The following ABCB5 variants were observed in gnomAD, a reference collection of about 807,000 sequenced individuals.
ABCB5 encodes the protein ATP binding cassette subfamily B member 5.
A neutral mutation model predicts 144.2 loss-of-function variants in ABCB5; 155 were observed. That is an observed-to-expected ratio of 1.08 (90% confidence interval 0.94 to 1.23). ABCB5 has a LOEUF of 1.23. Ranked by LOEUF, ABCB5 falls within the 50% of genes most tolerant of loss-of-function variation. The pLI is 0.00. For missense variants in ABCB5, 1,830 were observed against 1,520.8 expected (o/e 1.20, Z -3.38); for synonymous variants, 610 against 528.6 (o/e 1.15, Z -2.11).
chr7:20,669,538 T>C (rs867155018), intron 14 of ABCB5, among the ~76,000 whole-genome samples: 30 of 88,476 alleles, frequency 3.4e-4, no homozygotes, highest in African/African-American at 1.4e-3. Context: ...AGCATGCTCG[T>C]TAAGAGTCAT....
At chr7:20,752,988 T>C (rs2128058038) in intron 26 of ABCB5, among the ~76,000 whole-genome samples, 1 of 152,362 alleles carries the variant, frequency 6.6e-6, no homozygotes, top group Non-Finnish European at 1.5e-5. Flanking sequence ...CTTGTTGTTT[T>C]TACTACTGCG....
intron 21 of ABCB5, among the ~76,000 whole-genome samples, chr7:20,726,252 C>A (rs1430754633): frequency 6.6e-6 from 1 of 151,960 alleles, no homozygotes; most frequent in East Asian, 1.9e-4. Context: ...AATTTTATAA[C>A]CACATGCCAT....
intron 20 of ABCB5, among the ~76,000 whole-genome samples, chr7:20,710,059 TA>T (rs111972230): frequency 0.051 from 6,458 of 126,050 alleles, 719 homozygotes; most frequent in African/African-American, 0.17. Flanking sequence ...AGCAAGACTC[TA>T]AAAAAAAAAA....
intron 14 of ABCB5, among the ~76,000 whole-genome samples, chr7:20,668,596 G>C (rs138509596): frequency 2.4e-4 from 35 of 143,404 alleles, no homozygotes; most frequent in Admixed American, 4.1e-4. Flanking sequence ...GAGGTGGGGG[G>C]GGGGGTCAGC....
intron 11 of ABCB5, 83 bp from the exon 12 acceptor site, chr7:20,649,939 A>C: frequency 6.9e-7 from 1 of 1,439,576 alleles, no homozygotes; most frequent in Non-Finnish European, 9.3e-7. Context: ...GTTTTTGGTT[A>C]TAATTATGTA....
intron 23 of ABCB5, among the ~76,000 whole-genome samples, chr7:20,734,812 A>G (rs187075946): frequency 1.3e-5 from 2 of 152,296 alleles, no homozygotes; most frequent in African/African-American, 4.8e-5. Flanking sequence ...TCTCTTGTTT[A>G]GGTTCTCATG....
intron 27 of ABCB5, among the ~76,000 whole-genome samples, chr7:20,754,516 C>T (rs542388377): frequency 6.6e-6 from 1 of 152,284 alleles, no homozygotes; most frequent in South Asian, 2.1e-4. Flanking sequence ...ATCTTGGGAA[C>T]ATTTTATGTA....
At chr7:20,750,652 T>C (rs917653875) in intron 26 of ABCB5, among the ~76,000 whole-genome samples, 1 of 152,164 alleles carries the variant, frequency 6.6e-6, no homozygotes, top group Non-Finnish European at 1.5e-5. Context: ...CGTATATGTA[T>C]AATACGTAGA....
At chr7:20,658,742 A>C in intron 14 of ABCB5, 66 bp downstream of exon 14, 3 of 1,555,258 alleles carry the variant, frequency 1.9e-6, no homozygotes, top group Non-Finnish European at 2.6e-6. Flanking sequence ...AGTACAAGAA[A>C]GTATAGATCT....
At chr7:20,638,866 G>A (rs769286354) in intron 5 of ABCB5, among the ~76,000 whole-genome samples, 15 of 152,086 alleles carry the variant, frequency 9.9e-5, no homozygotes, top group Non-Finnish European at 1.8e-4. Flanking sequence ...TATTACTCTT[G>A]AGTAGACCTA....
intron 14 of ABCB5, among the ~76,000 whole-genome samples, chr7:20,669,822 C>G (rs11769031): frequency 2.0e-5 from 3 of 148,606 alleles, no homozygotes; most frequent in Non-Finnish European, 4.5e-5. Flanking sequence ...GGCTAGGTGC[C>G]TGAGTGTTTT....
intron 17 of ABCB5, among the ~76,000 whole-genome samples, 181 bp from the exon 18 acceptor site, chr7:20,699,644 T>C (rs1052418326): frequency 1.3e-5 from 2 of 151,898 alleles, no homozygotes; most frequent in Admixed American, 6.6e-5. Flanking sequence ...GAGGTTGCAT[T>C]GAGCCAAGAC....
intron 13 of ABCB5, among the ~76,000 whole-genome samples, chr7:20,657,701 A>G (rs1444669697): frequency 6.6e-6 from 1 of 152,206 alleles, no homozygotes; most frequent in Non-Finnish European, 1.5e-5. Context: ...TGGTGGTAAC[A>G]TGGGTGTACT....
In ABCB5 at chr7:20,742,866, TC is replaced by T. The variant is rs1434580188; in HGVS notation, c.3025-9del. 1 of 1,613,738 alleles carries T rather than the reference TC, an allele frequency of 6.2e-7. No homozygotes were observed. Among genetic ancestry groups the T allele is most frequent in the East Asian group, 2.2e-5 (1 of 44,874 alleles). Reference sequence around the variant, plus strand: ...GTCATTCTTCTCAACTCTGTCAACTTCCTTTCACAGGACACATGTGAAGGGA... The same window carrying T: ...GTCATTCTTCTCAACTCTGTCAACTTCTTTCACAGGACACATGTGAAGGGA... On this transcript the variant is annotated splice_polypyrimidine_tract_variant and intron_variant, in intron 24 of 27. Transcript: ENST00000404938.
intron 14 of ABCB5, chr7:20,667,542 A>C (rs1785239469): frequency 1.0e-6 from 1 of 977,206 alleles, no homozygotes; most frequent in Admixed American, 6.1e-5. Context: ...TTTCTAATTA[A>C]ATTCCATACA....
rs1453532895 is a variant in ABCB5, at chr7:20,623,333, A to T, written c.48A>T (p.Arg16Ser). 2.6e-6 allele frequency: 4 copies of T among 1,549,342 alleles called. No homozygotes were observed. The South Asian group carries it at 3.6e-5, about 14-fold the overall frequency. The change falls in exon 2 of 28, where the codon AGA (arginine) becomes AGT (serine). Residue 16 changes from arginine to serine, a missense_variant. By Grantham distance (110) the Arg-to-Ser change is moderately radical (BLOSUM62 -1). Transcript: ENST00000404938. Reference sequence around the variant, plus strand: ...AAGAAATGCAAGAAAATTATCAGAGAAATGGGTAAGCTCTCACTAAGTTCT... The same window carrying T: ...AAGAAATGCAAGAAAATTATCAGAGTAATGGGTAAGCTCTCACTAAGTTCT... ...RAEEMQENYQ[R>S]NGTAEEQPKL... is the part of the protein sequence containing the mutation.
chr7:20,665,367 GT>G (rs1785142010), intron 14 of ABCB5, among the ~76,000 whole-genome samples: 1 of 152,160 alleles, frequency 6.6e-6, no homozygotes, highest in Non-Finnish European at 1.5e-5. Flanking sequence ...ACCCCACATT[GT>G]TGAGCCCTGG....
intron 1 of ABCB5, among the ~76,000 whole-genome samples, chr7:20,620,705 C>A (rs1020478871): frequency 1.3e-5 from 2 of 151,886 alleles, no homozygotes; most frequent in Admixed American, 6.6e-5. Flanking sequence ...CACATCACAC[C>A]CACTAGGATT....
chr7:20,686,971 ATGTGGTCCTC>A (rs1786023533), intron 16 of ABCB5, among the ~76,000 whole-genome samples: 1 of 152,176 alleles, frequency 6.6e-6, no homozygotes, highest in South Asian at 2.1e-4. Flanking sequence ...CCTTTTAGGT[ATGTGGTCCTC>A]TATAGCCATT....
Sources: gnomAD v4.1 joint callset for allele counts (sites outside exome capture counted in the v4.1 genomes callset) on GRCh38, gnomAD v4.1.1 for gene constraint, MANE v1.5 for transcripts, NCBI Gene and HGNC (gene_info 2026-07-23, HGNC 2026-07-21) for gene names.